Variants in COLGALT2 observed in about 807,000 individuals in gnomAD.
COLGALT2 encodes collagen beta(1-O)galactosyltransferase 2.
In COLGALT2, 49 loss-of-function variants were observed where a neutral mutation model predicts 73.4. The ratio of observed to expected loss-of-function variants is 0.67; its 90% CI spans 0.53 to 0.85. The LOEUF (loss-of-function observed/expected upper bound fraction) is 0.85. Among genes scored for constraint, COLGALT2 ranks in the 40% least tolerant of loss-of-function variants. The pLI, the probability that COLGALT2 is intolerant of heterozygous loss-of-function variation, is 0.00. For missense variants in COLGALT2, 722 were observed against 790.2 expected (o/e 0.91, Z 1.03); for synonymous variants, 295 against 307.6 (o/e 0.96, Z 0.43).
intron 1 of COLGALT2, among the ~76,000 whole-genome samples, chr1:184,017,535 G>A (rs1032988554): frequency 6.6e-6 from 1 of 152,094 alleles, no homozygotes; most frequent in Non-Finnish European, 1.5e-5. Flanking sequence ...TCCACCGACT[G>A]CAAACTAAAT....
At chr1:183,974,968 T>G in intron 3 of COLGALT2, 129 bp downstream of exon 3, 1 of 651,622 alleles carries the variant, frequency 1.5e-6, no homozygotes, top group Non-Finnish European at 2.7e-6. Context: ...GTGCCTTTCT[T>G]AAAAAGTGGG....
Position 183,990,750 on chromosome 1 carries a change from C to T in COLGALT2, c.264-12230G>A, listed in dbSNP as rs561114115. 5.9e-5 allele frequency among the ~76,000 whole-genome samples: 9 copies of T among 152,284 alleles called. No homozygotes were observed. The East Asian group carries it at 1.7e-3, about 29-fold the overall frequency. ...AGAGTCTGATGTGTTTGTGGAACTC[C>T]ACGTAAATTTGTTGGGCTAGGACTT... On this transcript the variant is annotated intron_variant, in intron 1 of 11. Transcript: ENST00000361927.
At chr1:183,967,049 T>C (rs753914295) in intron 5 of COLGALT2, among the ~76,000 whole-genome samples, 87 of 152,352 alleles carry the variant, frequency 5.7e-4, no homozygotes, top group Middle Eastern at 3.4e-3. Context: ...GTGCTTTGCT[T>C]TGAAACTAAG....
chr1:183,958,590 A>T lies in COLGALT2; in HGVS notation c.953-3752T>A, dbSNP rs576690676. On this transcript the variant is annotated intron_variant, in intron 6 of 11. Coordinates refer to ENST00000361927, the MANE Select transcript of COLGALT2 (RefSeq NM_015101.4). Reference sequence around the variant, plus strand: ...CTGGCCTATATACTTCAGAAAGAAAATATTCAAAATCAAATTAGATCTACC... The same window carrying T: ...CTGGCCTATATACTTCAGAAAGAAATTATTCAAAATCAAATTAGATCTACC... Among the ~76,000 whole-genome samples, 18 of 151,872 alleles carry T rather than the reference A, an allele frequency of 1.2e-4. No homozygotes were observed. The South Asian group carries it at 3.8e-3, about 32-fold the overall frequency.
rs895784666 is a variant in COLGALT2, at chr1:183,950,889, TAA to T, written c.1136+116_1136+117del. ...CTACTACAGGTGGCCGTTTTGAAAA[TAA>T]GACTATCCTCTAATGACCGAAGAGA... On this transcript the variant is annotated intron_variant, in intron 8 of 11. Transcript: ENST00000361927. 3.8e-5 allele frequency: 27 copies of T among 713,780 alleles called. No homozygotes were observed. The African/African-American group carries it at 4.1e-4, about 11-fold the overall frequency. The allele number at this position is 713,780 out of a possible 1,614,324, so 44.2% of individuals were successfully genotyped here. A position where few individuals can be genotyped will look rare whatever the true frequency, so the allele number is the denominator to read the frequency against.
At chr1:183,962,994 C>T (rs896196763) in intron 6 of COLGALT2, among the ~76,000 whole-genome samples, 4 of 152,198 alleles carry the variant, frequency 2.6e-5, no homozygotes, top group Non-Finnish European at 2.9e-5. Flanking sequence ...TTCACACCCC[C>T]GTGCTCTACT....
chr1:183,953,951 C>T (rs761488732), intron 7 of COLGALT2, among the ~76,000 whole-genome samples: 1 of 152,170 alleles, frequency 6.6e-6, no homozygotes, highest in Non-Finnish European at 1.5e-5. Flanking sequence ...GCAATTAGCA[C>T]CAAGCTCGAA....
chr1:183,962,154 C>T (rs144492017), intron 6 of COLGALT2, among the ~76,000 whole-genome samples: 56 of 85,528 alleles, frequency 6.5e-4, no homozygotes, highest in African/African-American at 2.3e-3. Context: ...TTTTCTCTTT[C>T]TTTTTTTTTT....
intron 1 of COLGALT2, among the ~76,000 whole-genome samples, chr1:184,009,609 CAG>C (rs1672180484): frequency 6.6e-6 from 1 of 152,118 alleles, no homozygotes; most frequent in South Asian, 2.1e-4. Flanking sequence ...AGATTTTAAA[CAG>C]AGAATTATGA....
chr1:184,028,091 T>C (rs1437383582), intron 1 of COLGALT2, among the ~76,000 whole-genome samples: 1 of 152,142 alleles, frequency 6.6e-6, no homozygotes, highest in Middle Eastern at 3.2e-3. Flanking sequence ...CCATAATCAT[T>C]GTGGTGTGTG....
At chr1:184,019,890 T>A (rs1649121468) in intron 1 of COLGALT2, among the ~76,000 whole-genome samples, 1 of 152,154 alleles carries the variant, frequency 6.6e-6, no homozygotes, top group Non-Finnish European at 1.5e-5. Context: ...AGGAGAAGCA[T>A]AAGGGAACAG....
intron 1 of COLGALT2, among the ~76,000 whole-genome samples, chr1:184,026,656 T>C (rs565112211): frequency 6.6e-5 from 10 of 152,316 alleles, no homozygotes; most frequent in Admixed American, 6.5e-4. Context: ...TAATTAAGGC[T>C]GAACTGCCAG....
Position 183,969,437 on chromosome 1 carries a change from G to A in COLGALT2, c.664C>T (p.Arg222Ter), listed in dbSNP as rs373361853. Residue 222 changes from arginine (R) to a stop codon, truncating the protein, a stop_gained, in exon 5 of 12, where the codon CGA becomes TGA. Transcript: ENST00000361927. LOFTEE classifies it high-confidence loss of function. ...AAGCAGCCTGTCCTCTTCCATTCTC[G>A]AATCTGAACGTAGTCTGGGGTCCTC... ...YKRTPDYVQI[R>*]EWKRTGCFPV... The A allele has an allele frequency of 3.3e-5, 54 of 1,613,254 alleles. No homozygotes were observed. Among genetic ancestry groups the A allele is most frequent in the Non-Finnish European group, 4.3e-5 (51 of 1,179,658 alleles).
chr1:184,001,784 T>C (rs560438703), intron 1 of COLGALT2, among the ~76,000 whole-genome samples: 1 of 152,330 alleles, frequency 6.6e-6, no homozygotes, highest in African/African-American at 2.4e-5. Context: ...TGAAATCACA[T>C]AGAAATATAA....
At chr1:184,033,462 A>C (rs1649577403) in intron 1 of COLGALT2, among the ~76,000 whole-genome samples, 1 of 152,204 alleles carries the variant, frequency 6.6e-6, no homozygotes, top group African/African-American at 2.4e-5. Context: ...TTATCACAGG[A>C]TTGTGATATT....
chr1:183,959,330 C>T lies in COLGALT2; in HGVS notation c.953-4492G>A, dbSNP rs193290120. 3.6e-4 allele frequency among the ~76,000 whole-genome samples: 55 copies of T among 152,292 alleles called. 1 individual carries two copies. The East Asian group carries it at 9.3e-3, about 26-fold the overall frequency. ...TGGAGTTTCTTCCCTGAACTCCAGA[C>T]TTATATATCCAACTATCTTCTGCCT... On this transcript the variant is annotated intron_variant, in intron 6 of 11. Transcript: ENST00000361927.
chr1:183,944,748 G>A (rs368211721), intron 9 of COLGALT2, among the ~76,000 whole-genome samples: 1 of 152,160 alleles, frequency 6.6e-6, no homozygotes, highest in African/African-American at 2.4e-5. Flanking sequence ...ATTAACATGG[G>A]TGTGTTGTTT....
chr1:183,941,944 C>G (rs368386359), intron 10 of COLGALT2, among the ~76,000 whole-genome samples: 1 of 149,704 alleles, frequency 6.7e-6, no homozygotes, highest in East Asian at 2.0e-4. Context: ...TTTGGTAGGA[C>G]GACAGTTTAC....
chr1:184,018,633 CT>C (rs1478877805), intron 1 of COLGALT2, among the ~76,000 whole-genome samples: 2 of 152,052 alleles, frequency 1.3e-5, no homozygotes, highest in Non-Finnish European at 2.9e-5. Context: ...TATACAAATT[CT>C]TTTTTTACCT....
Sources: allele counts gnomAD v4.1 joint callset (sites outside exome capture counted in the v4.1 genomes callset), GRCh38; gene constraint gnomAD v4.1.1; transcripts MANE v1.5; gene names NCBI Gene and HGNC (gene_info 2026-07-23, HGNC 2026-07-21).